LRP1B: variants seen among roughly 807,000 people sequenced by gnomAD.
LRP1B encodes the protein low-density lipoprotein receptor-related protein 1B.
A neutral mutation model predicts 556.6 loss-of-function variants in LRP1B; 217 were observed. The observed-to-expected ratio is 0.39, with a 90% CI of 0.35 to 0.44. The LOEUF is 0.44. Ranked by LOEUF, LRP1B falls within the 20% of genes least tolerant of loss-of-function variation. The probability of loss-of-function intolerance (pLI) is 1.00; values close to 1 mark genes in which losing one functional copy is unlikely to be tolerated. For synonymous variants in LRP1B, 2,047 were observed against 1,865.8 expected (o/e 1.10, Z -2.50); for missense variants, 5,053 against 5,620.8 (o/e 0.90, Z 3.23).
At chr2:140,602,704 C>A (rs527966822) in intron 41 of LRP1B, among the ~76,000 whole-genome samples, 1 of 149,966 alleles carries the variant, frequency 6.7e-6, no homozygotes, top group Non-Finnish European at 1.5e-5. Flanking sequence ...GAGGGCAAAA[C>A]AATAATTAAA....
intron 66 of LRP1B, among the ~76,000 whole-genome samples, chr2:140,426,550 C>A (rs777240182): frequency 5.9e-5 from 9 of 152,132 alleles, no homozygotes; most frequent in Non-Finnish European, 8.8e-5. Context: ...TTCTGAAATT[C>A]CTTCTCCTGG....
At chr2:140,358,597 T>C (rs557325487) in intron 73 of LRP1B, among the ~76,000 whole-genome samples, 1 of 151,802 alleles carries the variant, frequency 6.6e-6, no homozygotes, top group Non-Finnish European at 1.5e-5. Context: ...GGGATGAATA[T>C]TTTCTAGAAT....
chr2:141,866,985 C>G (rs1213760981), intron 1 of LRP1B, among the ~76,000 whole-genome samples: 1 of 152,120 alleles, frequency 6.6e-6, no homozygotes, highest in Non-Finnish European at 1.5e-5. Context: ...GATGACGTAT[C>G]TGGAAGTAGG....
chr2:141,791,150 T>C (rs1341035470), intron 2 of LRP1B, among the ~76,000 whole-genome samples: 2 of 152,012 alleles, frequency 1.3e-5, no homozygotes, highest in African/African-American at 4.8e-5. Flanking sequence ...AAAAAATTCC[T>C]GACACCACAA....
chr2:141,817,885 A>G (rs1454424932), intron 1 of LRP1B, among the ~76,000 whole-genome samples: 2 of 151,970 alleles, frequency 1.3e-5, no homozygotes, highest in Non-Finnish European at 2.9e-5. Context: ...CTAATTACAA[A>G]TTAAATGTAA....
intron 31 of LRP1B, among the ~76,000 whole-genome samples, chr2:140,831,874 T>A (rs966726986): frequency 1.8e-4 from 27 of 152,152 alleles, no homozygotes; most frequent in Non-Finnish European, 1.8e-4. Flanking sequence ...AGTAGGCATG[T>A]CTCAAAAAAA....
rs1290220989 is a variant in LRP1B at position 140,902,965 on chromosome 2, C to T, written c.3721G>A (p.Glu1241Lys). 1 of 1,613,684 alleles carries T rather than the reference C, an allele frequency of 6.2e-7. No homozygotes were observed. Among genetic ancestry groups the T allele is most frequent in the Admixed American group, 1.7e-5 (1 of 59,956 alleles). ...CCGTCTACATCCAGCTTCCAACCTT[C>T]ATAACATGAGCACTTGACTGTGTGC... ...HKHTVKCSCYEGWKLDVDGES... is the reference protein window; with the variant it reads ...HKHTVKCSCYKGWKLDVDGES... Residue 1241 changes from glutamate (E) to lysine (K), a missense_variant, in exon 23 of 91, where the codon GAA (glutamate) becomes AAA (lysine). Physicochemically the swap from Glu to Lys is moderately conservative, Grantham distance 56. Around this residue, in one of 5 missense-constraint regions of LRP1B, gnomAD observed 3,619 missense variants for 3,931.9 expected, o/e 0.92. Coordinates refer to ENST00000389484, the MANE Select transcript of LRP1B (RefSeq NM_018557.3).
At chr2:141,032,060 C>A (rs1698388318) in intron 11 of LRP1B, among the ~76,000 whole-genome samples, 1 of 151,984 alleles carries the variant, frequency 6.6e-6, no homozygotes, top group Non-Finnish European at 1.5e-5. Flanking sequence ...TGCAAAAATT[C>A]ATATGGCCCT....
chr2:141,983,188 A>C (rs938927024), intron 1 of LRP1B, among the ~76,000 whole-genome samples: 1 of 151,440 alleles, frequency 6.6e-6, no homozygotes, highest in Non-Finnish European at 1.5e-5. Context: ...TAGAAAAAAT[A>C]TCTCACTTCA....
At chr2:141,413,515 C>A (rs1004236811) in intron 3 of LRP1B, among the ~76,000 whole-genome samples, 10 of 152,134 alleles carry the variant, frequency 6.6e-5, no homozygotes, top group Non-Finnish European at 1.5e-4. Flanking sequence ...CATCATAATC[C>A]TGGGAGACTT....
chr2:140,627,844 A>G (rs1050829173), intron 41 of LRP1B, among the ~76,000 whole-genome samples: 1 of 152,214 alleles, frequency 6.6e-6, no homozygotes, highest in African/African-American at 2.4e-5. Context: ...ACGTTTTATA[A>G]GATAGACATG....
intron 23 of LRP1B, among the ~76,000 whole-genome samples, chr2:140,900,755 C>T (rs1694080312): frequency 6.6e-6 from 1 of 151,786 alleles, no homozygotes. Flanking sequence ...GAATATAAAA[C>T]AGCCATTTAA....
chr2:141,467,907 C>T (rs1258138721), intron 3 of LRP1B, among the ~76,000 whole-genome samples: 1 of 151,080 alleles, frequency 6.6e-6, no homozygotes, highest in African/African-American at 2.4e-5. Flanking sequence ...GCAAAGCAAT[C>T]CCTACACCTT....
At chr2:142,078,954 T>C (rs1351213668) in intron 1 of LRP1B, among the ~76,000 whole-genome samples, 1 of 152,200 alleles carries the variant, frequency 6.6e-6, no homozygotes, top group Non-Finnish European at 1.5e-5. Context: ...AGTTCTAGCC[T>C]TAAATCAGTT....
In LRP1B at chr2:140,541,923, C is replaced by G. The variant is rs2105020948; in HGVS notation, c.7243G>C (p.Asp2415His). Residue 2415 changes from aspartate to histidine, a missense_variant, in exon 44 of 91, where the codon GAC (aspartate) becomes CAC (histidine). Around this residue, in one of 5 missense-constraint regions of LRP1B, gnomAD observed 3,619 missense variants for 3,931.9 expected, o/e 0.92. Coordinates refer to ENST00000389484, the MANE Select transcript of LRP1B (RefSeq NM_018557.3). ...PGTFLSLAVYDNYIFWSDWGR... is the reference protein window; with the variant it reads ...PGTFLSLAVYHNYIFWSDWGR... ...CAGTCCGACCAGAATATATAATTGTCATAAACAGCCAAACTGAGGAAAGTC... is the reference window on the plus strand; with the variant it reads ...CAGTCCGACCAGAATATATAATTGTGATAAACAGCCAAACTGAGGAAAGTC... 1 of 1,610,650 alleles carries G rather than the reference C, an allele frequency of 6.2e-7. No homozygotes were observed. Among genetic ancestry groups the G allele is most frequent in the Non-Finnish European group, 8.5e-7 (1 of 1,177,892 alleles).
chr2:142,089,119 T>C (rs1706065448), intron 1 of LRP1B, among the ~76,000 whole-genome samples: 1 of 152,094 alleles, frequency 6.6e-6, no homozygotes, highest in South Asian at 2.1e-4. Context: ...GCAAAGCAGA[T>C]AAAAGCTATT....
intron 5 of LRP1B, among the ~76,000 whole-genome samples, chr2:141,230,640 G>T (rs1246892073): frequency 1.3e-5 from 2 of 151,986 alleles, no homozygotes; most frequent in Non-Finnish European, 2.9e-5. Context: ...TCTTACTCTT[G>T]TTCGTCTCAC....
intron 25 of LRP1B, among the ~76,000 whole-genome samples, chr2:140,882,367 T>G (rs1263123099): frequency 6.6e-6 from 1 of 152,140 alleles, no homozygotes; most frequent in Non-Finnish European, 1.5e-5. Context: ...TCAATTGTTA[T>G]TACAGGAAGT....
At chr2:141,760,127 AT>A (rs34835347) in intron 2 of LRP1B, among the ~76,000 whole-genome samples, 16,549 of 152,180 alleles carry the variant, frequency 0.11, 1,242 homozygotes, top group African/African-American at 0.2. Context: ...ACTTTTCAGA[AT>A]TGTTTCAAAA....
Sources: gnomAD v4.1 joint callset for allele counts (sites outside exome capture counted in the v4.1 genomes callset) on GRCh38, gnomAD v4.1.1 for gene constraint, gnomAD v4.1.1 regional missense constraint, MANE v1.5 for transcripts, NCBI Gene and HGNC (gene_info 2026-07-23, HGNC 2026-07-21) for gene names.